HEG1: variants seen among roughly 807,000 people sequenced by gnomAD.
The protein encoded by HEG1 is protein HEG homolog 1.
HEG1 carries 56 observed loss-of-function variants against 125.6 expected under a neutral mutation model. The observed-to-expected ratio is 0.45, with a 90% CI of 0.36 to 0.56. The LOEUF (loss-of-function observed/expected upper bound fraction) is 0.56. HEG1 is among the 20% of genes least tolerant of loss of function. The pLI is 0.00. For synonymous variants in HEG1, 644 were observed against 668.5 expected (o/e 0.96, Z 0.57); for missense variants, 1,523 against 1,670.0 (o/e 0.91, Z 1.53).
chr3:125,040,711 CT>C (rs3061175), intron 1 of HEG1, among the ~76,000 whole-genome samples: 34,650 of 147,648 alleles, frequency 0.23, 4,166 homozygotes, highest in East Asian at 0.36. Flanking sequence ...AGAAAACAGG[CT>C]TTTTTTTTTT....
intron 1 of HEG1, among the ~76,000 whole-genome samples, chr3:125,041,003 T>C (rs956489965): frequency 3.3e-5 from 5 of 152,184 alleles, no homozygotes; most frequent in African/African-American, 1.2e-4. Flanking sequence ...AAGTGGAGAC[T>C]GAGGCTCAGT....
Position 125,013,911 on chromosome 3 carries a change from G to C in HEG1, c.1668C>G (p.Tyr556Ter). 6.2e-7 allele frequency: 1 copy of C among 1,613,896 alleles called. No individual in the cohort carries two copies. The highest frequency in any genetic ancestry group is 1.7e-5 in the Admixed American group (1 of 60,018). ...CTCCTTTGGTGAAAGTAGATGACAG[G>C]TAGGTGTGGTCTGTGTGGTCGCTGG... ...RTSSDHTDHT[Y>*]LSSTFTKGER... Residue 556 changes from tyrosine to a stop codon, truncating the protein, a stop_gained, in exon 6 of 17, where the codon TAC becomes TAG. Coordinates refer to ENST00000311127, the MANE Select transcript of HEG1 (RefSeq NM_020733.2). LOFTEE classifies it high-confidence loss of function.
At position 125,055,702 on chromosome 3, in the gene HEG1, C is replaced by T; in HGVS notation, c.189G>A (p.Glu63=). 2 of 1,091,344 alleles carry T rather than the reference C, an allele frequency of 1.8e-6. No homozygotes were observed. The highest frequency in any genetic ancestry group is 2.2e-6 in the Non-Finnish European group (2 of 899,596). The allele number at this position is 1,091,344 out of a possible 1,614,324, so 67.6% of individuals were successfully genotyped here. Residue 63 remains glutamate (E), a synonymous_variant, in exon 1 of 17, where the codon GAG becomes GAA. Transcript: ENST00000311127. The part of the protein sequence containing the change: ...ELQLERRPER[E]PPPTPPRERR... ...GCTCCCGGGGCGGCGTGGGCGGCGG[C>T]TCGCGCTCCGGGCGGCGCTCCAGCT...
chr3:125,023,843 T>C (rs537091932), intron 3 of HEG1, among the ~76,000 whole-genome samples: 1 of 152,198 alleles, frequency 6.6e-6, no homozygotes, highest in Non-Finnish European at 1.5e-5. Context: ...GAATGCCTAC[T>C]CGTCTGCTAA....
chr3:125,019,738 C>T lies in HEG1; in HGVS notation c.1253-141G>A, dbSNP rs372593763. On this transcript the variant is annotated intron_variant, in intron 4 of 16. Coordinates refer to ENST00000311127, the MANE Select transcript of HEG1 (RefSeq NM_020733.2). ...GTTTATTAAATGTATTATGCACTAT[C>T]ATATTCTAAATAATTATTTCAAAAC... 840 of 599,988 alleles carry T rather than the reference C, an allele frequency of 1.4e-3. 8 individuals are homozygous for T. The South Asian group carries it at 0.021, about 15-fold the overall frequency. 37.2% of individuals were successfully genotyped at this position (599,988 alleles called of 1,614,324 possible).
chr3:125,032,527 G>A (rs544002058), intron 1 of HEG1, among the ~76,000 whole-genome samples: 1 of 152,286 alleles, frequency 6.6e-6, no homozygotes. Flanking sequence ...TCCAGGGGCA[G>A]CCACAAGGCC....
chr3:125,012,955 G>T lies in HEG1; in HGVS notation c.2624C>A (p.Thr875Asn). The T allele has an allele frequency of 6.2e-7, 1 of 1,614,078 alleles. No individual in the cohort carries two copies. The highest frequency in any genetic ancestry group is 8.5e-7 in the Non-Finnish European group (1 of 1,179,896). The change falls in exon 6 of 17, where the codon ACT becomes AAT. Residue 875 changes from threonine to asparagine, a missense_variant. Thr to Asn is a moderately conservative substitution (Grantham distance 65, BLOSUM62 0). Transcript: ENST00000311127. Reference sequence around the variant, plus strand: ...CAGCGAGAGCTGTTTTCCAGCTGTAGTCTGTACGGCTATAGGGCCAGTGAC... The same window carrying T: ...CAGCGAGAGCTGTTTTCCAGCTGTATTCTGTACGGCTATAGGGCCAGTGAC... ...SLVTGPIAVQ[T>N]TAGKQLSLTH...
chr3:125,015,913 T>C (rs943441252), intron 5 of HEG1, among the ~76,000 whole-genome samples: 2 of 152,168 alleles, frequency 1.3e-5, no homozygotes, highest in South Asian at 2.1e-4. Context: ...AAGCTGAGTG[T>C]TGGCTAAATT....
intron 1 of HEG1, among the ~76,000 whole-genome samples, chr3:125,052,265 C>T (rs896544035): frequency 3.3e-5 from 5 of 152,248 alleles, no homozygotes; most frequent in Admixed American, 3.3e-4. Context: ...CCACTCTCCC[C>T]TCCCTGAGGG....
At chr3:125,003,437 T>A (rs991003462) in intron 9 of HEG1, among the ~76,000 whole-genome samples, 4 of 152,150 alleles carry the variant, frequency 2.6e-5, no homozygotes, top group Non-Finnish European at 2.9e-5. Flanking sequence ...AAGTATAGGA[T>A]TAGTAGACAT....
At chr3:125,047,138 C>T (rs896695094) in intron 1 of HEG1, among the ~76,000 whole-genome samples, 7 of 152,274 alleles carry the variant, frequency 4.6e-5, no homozygotes, top group East Asian at 1.9e-4. Flanking sequence ...AGGGGTCCAA[C>T]GAGGGGAAGA....
At chr3:124,995,016 T>C (rs1337470041) in intron 12 of HEG1, among the ~76,000 whole-genome samples, 5 of 152,166 alleles carry the variant, frequency 3.3e-5, no homozygotes, top group Non-Finnish European at 7.4e-5. Context: ...TGAGAATTCA[T>C]TGCCAGGTGT....
chr3:125,009,895 G>T, intron 7 of HEG1, 71 bp from the exon 8 acceptor site: 2 of 1,491,758 alleles, frequency 1.3e-6, no homozygotes, highest in East Asian at 2.4e-5. Flanking sequence ...AGTGTAGTAA[G>T]TACTTACTAA....
At chr3:124,993,191 G>A (rs1413383175) in intron 12 of HEG1, among the ~76,000 whole-genome samples, 1 of 152,326 alleles carries the variant, frequency 6.6e-6, no homozygotes, top group African/African-American at 2.4e-5. Context: ...TAGCAAGCGT[G>A]CAGGACCCTG....
At chr3:125,010,605 AG>A in intron 6 of HEG1, 50 bp from the exon 7 acceptor site, 1 of 1,034,024 alleles carries the variant, frequency 9.7e-7, no homozygotes, top group Non-Finnish European at 1.4e-6. Flanking sequence ...GGAAATGTAA[AG>A]GCAGCTTTAG....
rs529762453 is a variant in HEG1, at chr3:125,027,407, C to A, written c.711G>T (p.Glu237Asp). Reference protein sequence around the residue: ...KSGTASEMGTERAMGLSEEWT... With the variant: ...KSGTASEMGTDRAMGLSEEWT... ...ATTCTTCTGACAGCCCCATCGCCCT[C>A]TCTGTTCCCATCTCCGAGGCTGTTC... Residue 237 changes from glutamate to aspartate, a missense_variant, in exon 3 of 17, where the codon GAG (glutamate) becomes GAT (aspartate). Glu to Asp is a conservative substitution (Grantham distance 45). Transcript: ENST00000311127. The A allele has an allele frequency of 8.1e-6, 13 of 1,614,050 alleles. No homozygotes were observed. In the African/African-American group the frequency reaches 1.7e-4, roughly 22 times the overall value.
chr3:124,997,327 C>T (rs1037515535), intron 12 of HEG1, among the ~76,000 whole-genome samples: 30 of 152,136 alleles, frequency 2.0e-4, no homozygotes, highest in African/African-American at 6.3e-4. Flanking sequence ...CCTGACCCCA[C>T]GCTTGTACTT....
chr3:125,022,703 AT>A lies in HEG1; in HGVS notation c.914-1574del, dbSNP rs1172467617. ...CAGTATTAAAAAAAAAAAGAAATAA[AT>A]AAATAAAAAGAAAAGAAAGCATTAT... On this transcript the variant is annotated intron_variant, in intron 3 of 16. Transcript: ENST00000311127. Among the ~76,000 whole-genome samples, 20 of 118,950 alleles carry A rather than the reference AT, an allele frequency of 1.7e-4. No homozygotes were observed. In the South Asian group the frequency reaches 2.1e-3, roughly 13 times the overall value. 78.0% of individuals were successfully genotyped at this position (118,950 alleles called of 152,430 possible). A position where few individuals can be genotyped will look rare whatever the true frequency, so the allele number is the denominator to read the frequency against.
At chr3:125,012,243 C>T (rs946967209) in intron 6 of HEG1, among the ~76,000 whole-genome samples, 8 of 151,282 alleles carry the variant, frequency 5.3e-5, no homozygotes, top group African/African-American at 2.0e-4. Flanking sequence ...AGCTTCTTTA[C>T]TTGAGTTTCT....
Sources: allele counts gnomAD v4.1 joint callset (sites outside exome capture counted in the v4.1 genomes callset), GRCh38; gene constraint gnomAD v4.1.1; transcripts MANE v1.5; gene names NCBI Gene and HGNC (gene_info 2026-07-23, HGNC 2026-07-21).